The following FUT8 variants were observed in gnomAD, a reference collection of about 807,000 sequenced individuals.
The protein encoded by FUT8 is fucosyltransferase 8.
A neutral mutation model predicts 71.3 loss-of-function variants in FUT8; 29 were observed. That is an observed-to-expected ratio of 0.41 (90% CI 0.30 to 0.55). The LOEUF is 0.55. Ranked by LOEUF, FUT8 falls within the 20% of genes least tolerant of loss-of-function variation. FUT8 has a pLI of 0.34. For missense variants in FUT8, 544 were observed against 702.1 expected (o/e 0.77, Z 2.55); for synonymous variants, 254 against 239.3 (o/e 1.06, Z -0.57).
upstream of FUT8, among the ~76,000 whole-genome samples, chr14:65,408,244 G>T (rs1215778389): frequency 6.6e-6 from 1 of 152,030 alleles, no homozygotes; most frequent in African/African-American, 2.4e-5. Context: ...AGATAATACT[G>T]GTCTTGAGTC....
chr14:65,609,066 G>A (rs1032629084), intron 3 of FUT8, among the ~76,000 whole-genome samples: 2 of 151,752 alleles, frequency 1.3e-5, no homozygotes, highest in African/African-American at 4.8e-5. Flanking sequence ...AAGCCAAGGC[G>A]GGTGGATCAC....
intron 6 of FUT8, chr14:65,636,485 T>C (rs946628349): frequency 2.6e-5 from 4 of 152,358 alleles, no homozygotes; most frequent in African/African-American, 9.6e-5. Flanking sequence ...CATTTAGGGC[T>C]ATGAACTTTC....
chr14:65,591,764 T>C (rs1404152078), intron 3 of FUT8, among the ~76,000 whole-genome samples: 3 of 152,008 alleles, frequency 2.0e-5, no homozygotes, highest in Non-Finnish European at 2.9e-5. Flanking sequence ...AGCTGAAAAT[T>C]AGTTGTTGCC....
At chr14:65,702,563 G>GTGAAGTAGTATA (rs999877832) in intron 7 of FUT8, among the ~76,000 whole-genome samples, 4 of 152,118 alleles carry the variant, frequency 2.6e-5, no homozygotes, top group Non-Finnish European at 4.4e-5. Context: ...TTGAGAAAAG[G>GTGAAGTAGTATA]TGAAGTAGTA....
At chr14:65,687,007 A>G (rs1369159846) in intron 7 of FUT8, among the ~76,000 whole-genome samples, 1 of 152,206 alleles carries the variant, frequency 6.6e-6, no homozygotes. Context: ...TAGATTTAGT[A>G]GAATGGACTC....
chr14:65,578,040 T>C (rs1255437993), intron 3 of FUT8, among the ~76,000 whole-genome samples: 2 of 152,130 alleles, frequency 1.3e-5, no homozygotes, highest in African/African-American at 2.4e-5. Context: ...AAAAAACATC[T>C]TAAATAACTA....
At chr14:65,689,617 C>A (rs1893474524) in intron 7 of FUT8, among the ~76,000 whole-genome samples, 1 of 152,170 alleles carries the variant, frequency 6.6e-6, no homozygotes, top group Non-Finnish European at 1.5e-5. Context: ...CAGCTCACTG[C>A]AACCTCTGCC....
chr14:65,693,121 C>T (rs942403571), intron 7 of FUT8, among the ~76,000 whole-genome samples: 3 of 152,230 alleles, frequency 2.0e-5, no homozygotes, highest in Non-Finnish European at 4.4e-5. Context: ...CAGGCAGAGG[C>T]TGCAATCTCG....
chr14:65,357,905 AG>A, the FUT8 span, among the ~76,000 whole-genome samples: 1 of 152,218 alleles, frequency 6.6e-6, no homozygotes, highest in Non-Finnish European at 1.5e-5. Flanking sequence ...ATGAACTTGG[AG>A]GACATTATGT....
chr14:65,717,508 C>T (rs1470974804), intron 7 of FUT8, among the ~76,000 whole-genome samples: 2 of 144,750 alleles, frequency 1.4e-5, no homozygotes, highest in South Asian at 4.5e-4. Flanking sequence ...AGGCGCTCCT[C>T]ACCTCCCAGA....
chr14:65,473,141 TG>T (rs2066175332), intron 2 of FUT8, among the ~76,000 whole-genome samples: 1 of 152,206 alleles, frequency 6.6e-6, no homozygotes, highest in Non-Finnish European at 1.5e-5. Flanking sequence ...TTTTCAAATT[TG>T]TGCCTTATTT....
chr14:65,638,908 A>T lies in FUT8; in HGVS notation c.597+9302A>T, dbSNP rs1890697670. 6.6e-6 allele frequency among the ~76,000 whole-genome samples: 1 copy of T among 152,224 alleles called. No individual in the cohort carries two copies. The highest frequency in any genetic ancestry group is 1.5e-5 in the Non-Finnish European group (1 of 68,030). On this transcript the variant is annotated intron_variant, in intron 6 of 10. Transcript: ENST00000673929. This position sits in a 1 kb window ranked among gnomAD's most constrained non-coding sequence, Gnocchi z 4.5. The stretch of plus-strand genomic sequence containing the variant: ...GTAATATCTGTAACTCATTAGAAAA[A>T]GTTGTCAGCCTAACTACATTAAAAT...
At chr14:65,629,074 T>A (rs1938524587) in intron 5 of FUT8, among the ~76,000 whole-genome samples, 2 of 152,166 alleles carry the variant, frequency 1.3e-5, no homozygotes, top group African/African-American at 2.4e-5. Context: ...CTCAGAGTGT[T>A]TAAATATGAA....
chr14:65,458,933 T>C (rs1857490363), intron 2 of FUT8, among the ~76,000 whole-genome samples: 1 of 151,976 alleles, frequency 6.6e-6, no homozygotes, highest in South Asian at 2.1e-4. Context: ...GGATTACAGA[T>C]GTGTGTCACC....
At chr14:65,404,569 G>A in the FUT8 span, among the ~76,000 whole-genome samples, 15,054 of 151,622 alleles carry the variant, frequency 0.099, 1,002 homozygotes, top group East Asian at 0.39. Flanking sequence ...TCTGCCTCCC[G>A]GGTCAAGCAA....
At chr14:65,685,883 T>C (rs1893264992) in intron 7 of FUT8, among the ~76,000 whole-genome samples, 1 of 152,222 alleles carries the variant, frequency 6.6e-6, no homozygotes, top group Admixed American at 6.5e-5. Context: ...CCTCACCATC[T>C]TGGTTTTGAT....
chr14:65,742,032 T>G, intron 10 of FUT8, 61 bp from the exon 11 acceptor site: 2 of 1,433,612 alleles, frequency 1.4e-6, no homozygotes, highest in Non-Finnish European at 1.9e-6. Flanking sequence ...CCAAGGGCTT[T>G]TAGATTGCTG....
intron 7 of FUT8, among the ~76,000 whole-genome samples, chr14:65,692,213 G>A (rs1180123443): frequency 3.7e-4 from 56 of 151,092 alleles, no homozygotes; most frequent in Admixed American, 1.2e-3. Context: ...CGGACGGGGC[G>A]GCTGGCCAGG....
At chr14:65,528,726 G>C (rs1005698202) in intron 2 of FUT8, 5 of 152,174 alleles carry the variant, frequency 3.3e-5, no homozygotes, top group African/African-American at 1.2e-4. Context: ...AAGATACACA[G>C]AAGACTGGTT....
Sources: gnomAD v4.1 joint callset for allele counts (sites outside exome capture counted in the v4.1 genomes callset) on GRCh38, gnomAD v4.1.1 for gene constraint, Gnocchi (gnomAD v3.1) non-coding constraint, MANE v1.5 for transcripts, NCBI Gene and HGNC (gene_info 2026-07-23, HGNC 2026-07-21) for gene names.